The following PEX5L variants were observed in gnomAD, a reference collection of about 807,000 sequenced individuals.
PEX5L encodes peroxisomal biogenesis factor 5 like.
Under a neutral mutation model 84.0 loss-of-function variants are expected in PEX5L, and 30 were observed. That is an observed-to-expected ratio of 0.36 (90% CI 0.27 to 0.48). The LOEUF is 0.48. Ranked by LOEUF, PEX5L falls within the 20% of genes least tolerant of loss-of-function variation. The pLI is 0.99. For synonymous variants in PEX5L, 270 were observed against 283.1 expected (o/e 0.95, Z 0.46); for missense variants, 533 against 754.6 (o/e 0.71, Z 3.44).
At chr3:179,826,317 T>C (rs1438653576) in intron 8 of PEX5L, among the ~76,000 whole-genome samples, 1 of 152,178 alleles carries the variant, frequency 6.6e-6, no homozygotes, top group Non-Finnish European at 1.5e-5. Flanking sequence ...GCAAAGTATG[T>C]TGTCTAAATA....
chr3:179,946,984 G>A (rs774232492), intron 2 of PEX5L, among the ~76,000 whole-genome samples: 1 of 152,202 alleles, frequency 6.6e-6, no homozygotes, highest in Non-Finnish European at 1.5e-5. Flanking sequence ...GGTATGTATT[G>A]AGTAGCCTGG....
chr3:179,876,296 C>T (rs1020927114), intron 5 of PEX5L, among the ~76,000 whole-genome samples: 2 of 151,848 alleles, frequency 1.3e-5, no homozygotes, highest in African/African-American at 4.8e-5. Flanking sequence ...CAGTTCGACA[C>T]CAGCCTGACC....
At chr3:179,848,475 T>C (rs1740487128) in intron 8 of PEX5L, among the ~76,000 whole-genome samples, 1 of 145,830 alleles carries the variant, frequency 6.9e-6, no homozygotes, top group African/African-American at 2.6e-5. Context: ...TGCTTGAGCC[T>C]GGAAGGAGGC....
intron 8 of PEX5L, among the ~76,000 whole-genome samples, chr3:179,858,692 A>C (rs565368204): frequency 6.6e-6 from 1 of 152,314 alleles, no homozygotes; most frequent in South Asian, 2.1e-4. Flanking sequence ...TAGAGAGATA[A>C]AAATATAAAG....
At chr3:179,845,605 T>C (rs1333921833) in intron 8 of PEX5L, among the ~76,000 whole-genome samples, 3 of 152,236 alleles carry the variant, frequency 2.0e-5, no homozygotes, top group Non-Finnish European at 4.4e-5. Context: ...AGATAATTTC[T>C]AGTACTGTTT....
At chr3:180,013,854 C>T (rs1036825387) in intron 1 of PEX5L, among the ~76,000 whole-genome samples, 4 of 152,236 alleles carry the variant, frequency 2.6e-5, no homozygotes, top group African/African-American at 9.6e-5. Context: ...TTCTACCTTT[C>T]TTTTTGTCCA....
intron 1 of PEX5L, among the ~76,000 whole-genome samples, chr3:180,015,807 T>C (rs1789891752): frequency 6.6e-6 from 1 of 150,388 alleles, no homozygotes; most frequent in Admixed American, 6.6e-5. Flanking sequence ...TTGAAACTAA[T>C]TTTCTTGACT....
chr3:179,844,139 AC>A (rs1239307685), intron 8 of PEX5L, among the ~76,000 whole-genome samples: 1 of 152,170 alleles, frequency 6.6e-6, no homozygotes, highest in Non-Finnish European at 1.5e-5. Flanking sequence ...CCCTAACTTT[AC>A]AGTGGTCTGT....
At chr3:179,956,358 C>CTAAAATAA (rs1359314259) in intron 2 of PEX5L, among the ~76,000 whole-genome samples, 4 of 152,116 alleles carry the variant, frequency 2.6e-5, no homozygotes, top group African/African-American at 4.8e-5. Context: ...TAAAATAATA[C>CTAAAATAA]ATTCTAAAAC....
intron 3 of PEX5L, among the ~76,000 whole-genome samples, chr3:179,891,633 G>T (rs1485938480): frequency 1.3e-5 from 2 of 152,132 alleles, no homozygotes; most frequent in East Asian, 3.8e-4. Flanking sequence ...AAATGAGGAA[G>T]TGACTTTGCA....
intron 3 of PEX5L, among the ~76,000 whole-genome samples, chr3:179,895,898 G>A (rs1030254201): frequency 1.3e-5 from 2 of 152,080 alleles, no homozygotes; most frequent in Non-Finnish European, 2.9e-5. Context: ...TCTATCACAT[G>A]AGCATCTGGC....
chr3:179,899,532 T>C (rs1760577052), intron 2 of PEX5L, among the ~76,000 whole-genome samples: 1 of 152,118 alleles, frequency 6.6e-6, no homozygotes, highest in Non-Finnish European at 1.5e-5. Flanking sequence ...AAGGATACAA[T>C]TACATCATTA....
At chr3:179,885,278 G>A (rs1304733709) in intron 4 of PEX5L, among the ~76,000 whole-genome samples, 2 of 152,126 alleles carry the variant, frequency 1.3e-5, no homozygotes, top group Non-Finnish European at 1.5e-5. Context: ...AGTTTCATTC[G>A]AGATATAATT....
chr3:179,878,671 A>G (rs1185431599), intron 5 of PEX5L, among the ~76,000 whole-genome samples: 1 of 152,178 alleles, frequency 6.6e-6, no homozygotes, highest in Non-Finnish European at 1.5e-5. Context: ...TCTATCTTGA[A>G]TCTGGCAAAT....
chr3:179,824,496 G>A (rs548430786), intron 8 of PEX5L, among the ~76,000 whole-genome samples: 1 of 152,154 alleles, frequency 6.6e-6, no homozygotes, highest in African/African-American at 2.4e-5. Flanking sequence ...ACCTGAGGTC[G>A]GGAGTTTGAG....
chr3:180,002,617 T>C (rs564166154), intron 1 of PEX5L, among the ~76,000 whole-genome samples: 1 of 152,260 alleles, frequency 6.6e-6, no homozygotes, highest in African/African-American at 2.4e-5. Flanking sequence ...CCATTTACTC[T>C]TTGTCAAATG....
chr3:179,898,072 G>A (rs1233065101), intron 3 of PEX5L, 70 bp downstream of exon 3: 15 of 870,428 alleles, frequency 1.7e-5, no homozygotes, highest in Middle Eastern at 2.4e-4. Context: ...TTTTTTTCTA[G>A]TTAAAAATCA....
At chr3:179,989,658 C>T (rs1371921939) in intron 1 of PEX5L, among the ~76,000 whole-genome samples, 2 of 151,888 alleles carry the variant, frequency 1.3e-5, no homozygotes, top group African/African-American at 4.8e-5. Context: ...TTTTATTTCC[C>T]ATAAACTTGG....
intron 12 of PEX5L, among the ~76,000 whole-genome samples, chr3:179,808,712 A>G (rs929130388): frequency 2.6e-5 from 4 of 152,212 alleles, no homozygotes; most frequent in African/African-American, 9.7e-5. Flanking sequence ...CCAATGTGGA[A>G]AACCCCACAG....
Sources: gnomAD v4.1 joint callset for allele counts (sites outside exome capture counted in the v4.1 genomes callset) on GRCh38, gnomAD v4.1.1 for gene constraint, MANE v1.5 for transcripts, NCBI Gene and HGNC (gene_info 2026-07-23, HGNC 2026-07-21) for gene names.